The following ADK variants were observed in gnomAD, a reference collection of about 807,000 sequenced individuals.
The protein encoded by ADK is adenosine kinase, also known as N6,N6-dimethyladenosine kinase.
Under a neutral mutation model 44.7 loss-of-function variants are expected in ADK, and 24 were observed. The observed-to-expected ratio is 0.54, with a 90% CI of 0.39 to 0.76. The LOEUF is 0.76. ADK is among the 30% of genes least tolerant of loss of function. ADK has a pLI of 0.00. For missense variants in ADK, 321 were observed against 425.1 expected, an observed-to-expected ratio of 0.76 and a Z score of 2.15; for synonymous variants, 128 against 142.6, an observed-to-expected ratio of 0.90 and a Z score of 0.73.
chr10:74,191,391 T>C (rs1842946104), intron 1 of ADK, among the ~76,000 whole-genome samples: 1 of 151,828 alleles, frequency 6.6e-6, no homozygotes, highest in Non-Finnish European at 1.5e-5. Flanking sequence ...TTTTTAAGCA[T>C]TAAAAAAAAT....
At chr10:74,573,213 C>T (rs897741440) in intron 7 of ADK, among the ~76,000 whole-genome samples, 15 of 151,952 alleles carry the variant, frequency 9.9e-5, no homozygotes, top group Non-Finnish European at 4.4e-5. Context: ...GTTAGTTTTC[C>T]TTCTAACAGA....
chr10:74,303,585 G>GGTT (rs1840134477), intron 3 of ADK, among the ~76,000 whole-genome samples: 1 of 64,676 alleles, frequency 1.5e-5, no homozygotes, highest in Non-Finnish European at 2.5e-5. Flanking sequence ...TGGTTTTAAT[G>GGTT]TTGTTTTTTT....
intron 4 of ADK, among the ~76,000 whole-genome samples, chr10:74,386,562 C>T (rs1208572958): frequency 2.6e-5 from 4 of 151,876 alleles, no homozygotes; most frequent in Non-Finnish European, 5.9e-5. Flanking sequence ...AAATTTTTTC[C>T]TTCTGGCTCC....
In ADK at chr10:74,651,085, T is replaced by TG. The variant is rs1429895621; in HGVS notation, c.878-19094dup. Among the ~76,000 whole-genome samples the TG allele has an allele frequency of 1.2e-4, 19 of 152,264 alleles. 1 individual carries two copies. Among genetic ancestry groups the TG allele is most frequent in the African/African-American group, 3.6e-4 (15 of 41,560 alleles). ...AGCTGTAGGCATTTAGAATGATATT[T>TG]GGGGTGGTGGTGGGGAAATGGAGGC... On this transcript the variant is annotated intron_variant, in intron 9 of 10. Transcript: ENST00000539909.
intron 3 of ADK, among the ~76,000 whole-genome samples, chr10:74,282,762 G>T (rs1039595196): frequency 2.6e-5 from 4 of 152,134 alleles, no homozygotes; most frequent in Non-Finnish European, 5.9e-5. Flanking sequence ...CCTTTAGAAT[G>T]AAAGGTTTAA....
chr10:74,616,253 G>A (rs2134012401), intron 9 of ADK, among the ~76,000 whole-genome samples: 1 of 152,162 alleles, frequency 6.6e-6, no homozygotes, highest in East Asian at 1.9e-4. Context: ...TTCCCCTTAT[G>A]ATTAATGCTT....
intron 3 of ADK, among the ~76,000 whole-genome samples, chr10:74,302,137 T>TGAGATGGAG (rs1564642405): frequency 2.9e-5 from 3 of 103,820 alleles, no homozygotes; most frequent in Non-Finnish European, 5.8e-5. Context: ...TTTTTTTTTT[T>TGAGATGGAG]TTTTTTTTTG....
At chr10:74,209,856 G>A (rs1174245684) in intron 2 of ADK, among the ~76,000 whole-genome samples, 1 of 152,128 alleles carries the variant, frequency 6.6e-6, no homozygotes, top group Non-Finnish European at 1.5e-5. Flanking sequence ...AATACCTCCA[G>A]TTGAGCCCTG....
At chr10:74,637,195 A>G (rs1011530743) in intron 9 of ADK, among the ~76,000 whole-genome samples, 1 of 152,208 alleles carries the variant, frequency 6.6e-6, no homozygotes, top group Non-Finnish European at 1.5e-5. Context: ...GAAGAATAGC[A>G]CTAGATGTGT....
At chr10:74,407,859 T>G (rs1443820638) in intron 6 of ADK, among the ~76,000 whole-genome samples, 1 of 152,232 alleles carries the variant, frequency 6.6e-6, no homozygotes, top group African/African-American at 2.4e-5. Context: ...TGTTCATTGT[T>G]AGTTGTTTAA....
At chr10:74,469,778 G>C (rs1014926353) in intron 6 of ADK, among the ~76,000 whole-genome samples, 6 of 152,184 alleles carry the variant, frequency 3.9e-5, no homozygotes, top group African/African-American at 1.4e-4. Flanking sequence ...CCATTGAACA[G>C]TAATTCCCCT....
intron 7 of ADK, among the ~76,000 whole-genome samples, chr10:74,571,653 C>T (rs529153829): frequency 9.9e-5 from 15 of 152,014 alleles, no homozygotes; most frequent in African/African-American, 2.4e-4. Context: ...TTTTTTATTG[C>T]GTCTATTTGA....
rs1185036462 is a variant in ADK at position 74,303,588 on chromosome 10, GT to G, written c.195-11053del. 6.0e-3 allele frequency among the ~76,000 whole-genome samples: 414 copies of G among 68,524 alleles called. 2 individuals carry two copies. The highest frequency in any genetic ancestry group is 0.023 in the African/African-American group (294 of 12,670). The allele number at this position is 68,524 out of a possible 152,430, so 45.0% of individuals were successfully genotyped here. ...CACTTTTCATATTGGTTTTAATGTT[GT>G]TTTTTTTTTTTTTTTTTTTTTTTTT... On this transcript the variant is annotated intron_variant, in intron 3 of 10. Transcript: ENST00000539909.
intron 6 of ADK, among the ~76,000 whole-genome samples, chr10:74,458,789 A>G (rs1846053105): frequency 6.6e-6 from 1 of 152,248 alleles, no homozygotes; most frequent in Non-Finnish European, 1.5e-5. Flanking sequence ...AATCTGCCTT[A>G]CCTTTAATAC....
chr10:74,249,979 T>G (rs1845586588), intron 3 of ADK, among the ~76,000 whole-genome samples: 3 of 152,226 alleles, frequency 2.0e-5, no homozygotes, highest in Admixed American at 6.5e-5. Flanking sequence ...AAATTTCCTA[T>G]TCAATAAGTA....
chr10:74,516,068 G>C (rs937768282), intron 6 of ADK, among the ~76,000 whole-genome samples: 1 of 152,144 alleles, frequency 6.6e-6, no homozygotes, highest in Non-Finnish European at 1.5e-5. Flanking sequence ...GGTGGGATGG[G>C]GAGTACACAC....
At chr10:74,269,887 A>C (rs1323858382) in intron 3 of ADK, among the ~76,000 whole-genome samples, 1 of 152,086 alleles carries the variant, frequency 6.6e-6, no homozygotes, top group African/African-American at 2.4e-5. Flanking sequence ...AGTCCCAGCT[A>C]CTCGGGAGGC....
intron 9 of ADK, among the ~76,000 whole-genome samples, chr10:74,614,097 A>T (rs1187443051): frequency 6.6e-6 from 1 of 152,164 alleles, no homozygotes; most frequent in Non-Finnish European, 1.5e-5. Flanking sequence ...AATTGGTCAA[A>T]AATAATTTAG....
intron 9 of ADK, among the ~76,000 whole-genome samples, chr10:74,656,323 A>G (rs1474405645): frequency 1.3e-5 from 2 of 152,156 alleles, no homozygotes; most frequent in Non-Finnish European, 2.9e-5. Context: ...ACCTTCCCAC[A>G]GTGTGAAGAT....
Sources: gnomAD v4.1 joint callset for allele counts (sites outside exome capture counted in the v4.1 genomes callset) on GRCh38, gnomAD v4.1.1 for gene constraint, MANE v1.5 for transcripts, NCBI Gene and HGNC (gene_info 2026-07-23, HGNC 2026-07-21) for gene names.